Variants in SLC24A3 observed in about 807,000 individuals in gnomAD.
SLC24A3 encodes the protein sodium/potassium/calcium exchanger 3.
In SLC24A3, 28 loss-of-function variants were observed where a neutral mutation model predicts 75.8. That is an observed-to-expected ratio of 0.37 (90% CI 0.27 to 0.51). The LOEUF (loss-of-function observed/expected upper bound fraction) is 0.51. Among genes scored for constraint, SLC24A3 ranks in the 20% least tolerant of loss-of-function variants. SLC24A3 has a pLI of 0.94. For missense variants in SLC24A3, 663 were observed against 847.8 expected (o/e 0.78, Z 2.71); for synonymous variants, 372 against 334.1 (o/e 1.11, Z -1.24).
At chr20:19,520,748 C>G (rs576626074) in intron 3 of SLC24A3, among the ~76,000 whole-genome samples, 11 of 152,300 alleles carry the variant, frequency 7.2e-5, no homozygotes, top group African/African-American at 2.6e-4. Flanking sequence ...AACACCTGTC[C>G]GCACTTCTTT....
chr20:19,286,980 C>G (rs1383199999), intron 2 of SLC24A3, among the ~76,000 whole-genome samples: 1 of 152,172 alleles, frequency 6.6e-6, no homozygotes, highest in Admixed American at 6.5e-5. Flanking sequence ...TGATTCAAAT[C>G]ACAGCTGTTG....
At chr20:19,701,302 G>C (rs1168912558) in intron 15 of SLC24A3, among the ~76,000 whole-genome samples, 1 of 151,996 alleles carries the variant, frequency 6.6e-6, no homozygotes, top group Non-Finnish European at 1.5e-5. Context: ...TCCAGGCTGA[G>C]ACACGAGGGC....
chr20:19,700,268 C>T (rs1234072019), intron 15 of SLC24A3, among the ~76,000 whole-genome samples: 3 of 152,206 alleles, frequency 2.0e-5, no homozygotes, highest in African/African-American at 7.2e-5. Context: ...TGGCAGCTCT[C>T]ATGTCTCTTC....
At chr20:19,519,851 G>A (rs678750) in intron 3 of SLC24A3, among the ~76,000 whole-genome samples, 22,022 of 152,134 alleles carry the variant, frequency 0.14, 1,853 homozygotes, top group East Asian at 0.31. Context: ...GCCAAGCTAC[G>A]CATTTCTCTT....
chr20:19,272,701 T>A (rs963210693), intron 1 of SLC24A3, among the ~76,000 whole-genome samples: 6 of 152,226 alleles, frequency 3.9e-5, no homozygotes, highest in African/African-American at 1.4e-4. Flanking sequence ...CCCATGGACC[T>A]GGGATCTTTT....
intron 14 of SLC24A3, 143 bp from the exon 15 acceptor site, chr20:19,698,425 C>T (rs2032835224): frequency 1.2e-5 from 7 of 577,600 alleles, no homozygotes; most frequent in Non-Finnish European, 2.2e-5. Flanking sequence ...GTCATCCTTT[C>T]ACATGGGTGA....
intron 9 of SLC24A3, among the ~76,000 whole-genome samples, chr20:19,681,195 C>T (rs1444915128): frequency 1.3e-5 from 2 of 152,172 alleles, no homozygotes; most frequent in African/African-American, 4.8e-5. Flanking sequence ...AGGAACACTG[C>T]ACAATGTATT....
Position 19,705,495 on chromosome 20 carries a change from G to C in SLC24A3, c.1719+6815G>C, listed in dbSNP as rs77215564. On this transcript the variant is annotated intron_variant, in intron 15 of 16. Coordinates refer to ENST00000328041, the MANE Select transcript of SLC24A3 (RefSeq NM_020689.4). The stretch of plus-strand genomic sequence containing the variant: ...GAAAAAGCAAATCTAGGGCTTATTT[G>C]CTTGAGAGCATTTTGATCTGCCCTC... Among the ~76,000 whole-genome samples, 510 of 152,232 alleles carry C rather than the reference G, an allele frequency of 3.4e-3. 6 individuals are homozygous for C. Among genetic ancestry groups the C allele is most frequent in the African/African-American group, 0.012 (489 of 41,544 alleles).
chr20:19,655,613 C>T (rs912134099), intron 7 of SLC24A3, among the ~76,000 whole-genome samples: 5 of 152,146 alleles, frequency 3.3e-5, no homozygotes, highest in South Asian at 2.1e-4. Flanking sequence ...ACCCTCCCCA[C>T]GGTGAATGAG....
chr20:19,475,863 T>G (rs1000026385), intron 2 of SLC24A3, among the ~76,000 whole-genome samples: 1 of 152,218 alleles, frequency 6.6e-6, no homozygotes, highest in African/African-American at 2.4e-5. Flanking sequence ...ACTCTATACT[T>G]GGAAATGTGT....
At position 19,515,526 on chromosome 20, in the gene SLC24A3, G is replaced by C. The variant is rs960187005; in HGVS notation, c.310G>C (p.Asp104His). 6.2e-7 allele frequency: 1 copy of C among 1,614,166 alleles called. No homozygotes were observed. The highest frequency in any genetic ancestry group is 1.1e-5 in the South Asian group (1 of 91,072). Reference sequence around the variant, plus strand: ...CCCCAATGACATCTTCACAAACGAGGATAGAAGACAAGGTGCGGTGGTCCT... The same window carrying C: ...CCCCAATGACATCTTCACAAACGAGCATAGAAGACAAGGTGCGGTGGTCCT... ...EFPNDIFTNE[D>H]RRQGAVVLHV... The change falls in exon 3 of 17, where the codon GAT becomes CAT. Residue 104 changes from aspartate (D) to histidine (H), a missense_variant. Transcript: ENST00000328041.
intron 2 of SLC24A3, among the ~76,000 whole-genome samples, chr20:19,366,545 A>G (rs572097743): frequency 1.3e-5 from 2 of 152,202 alleles, no homozygotes; most frequent in South Asian, 2.1e-4. Flanking sequence ...TTACCCTGAC[A>G]TGTTTTTCTG....
At chr20:19,253,213 G>A (rs1982714897) in intron 1 of SLC24A3, among the ~76,000 whole-genome samples, 1 of 152,202 alleles carries the variant, frequency 6.6e-6, no homozygotes, top group African/African-American at 2.4e-5. Flanking sequence ...GGTTTGTTGG[G>A]ATGTCCCAGG....
At chr20:19,375,758 G>A (rs530508111) in intron 2 of SLC24A3, among the ~76,000 whole-genome samples, 5 of 105,662 alleles carry the variant, frequency 4.7e-5, no homozygotes, top group African/African-American at 3.0e-4. Flanking sequence ...CAATGGCTGA[G>A]GTGACCTCCC....
intron 2 of SLC24A3, among the ~76,000 whole-genome samples, chr20:19,496,571 T>C (rs1046323459): frequency 6.6e-6 from 1 of 152,162 alleles, no homozygotes; most frequent in Non-Finnish European, 1.5e-5. Flanking sequence ...TTTGTGTGGC[T>C]CCTGAGTTAG....
At position 19,400,074 on chromosome 20, in the gene SLC24A3, T is replaced by C. The variant is rs149330016; in HGVS notation, c.272-115414T>C. On this transcript the variant is annotated intron_variant, in intron 2 of 16. Coordinates refer to ENST00000328041, the MANE Select transcript of SLC24A3 (RefSeq NM_020689.4). ...GAACAGATAGTTATAACAACTTTTC[T>C]AATGTCGTGGCTCTAATTCTATCAT... Among the ~76,000 whole-genome samples, 1,280 of 152,358 alleles carry C rather than the reference T, an allele frequency of 8.4e-3. 19 individuals carry two copies. The highest frequency in any genetic ancestry group is 0.03 in the African/African-American group (1,229 of 41,580).
chr20:19,653,654 G>A (rs918456815), intron 6 of SLC24A3, among the ~76,000 whole-genome samples: 1 of 152,162 alleles, frequency 6.6e-6, no homozygotes, highest in Non-Finnish European at 1.5e-5. Flanking sequence ...CTGGGGGGAT[G>A]TGAGACTCCT....
rs543205933 is a variant in SLC24A3 at position 19,516,065 on chromosome 20, G to A, written c.348+501G>A. Among the ~76,000 whole-genome samples, 13 of 152,320 alleles carry A rather than the reference G, an allele frequency of 8.5e-5. No individual in the cohort carries two copies. In the South Asian group the frequency reaches 2.1e-3, roughly 24 times the overall value. On this transcript the variant is annotated intron_variant, in intron 3 of 16. Coordinates refer to ENST00000328041, the MANE Select transcript of SLC24A3 (RefSeq NM_020689.4). Reference sequence around the variant, plus strand: ...TTCCCAGACCCTTTCTTGGCATGTGGTAGGGACAGAACATTTGCTCACTGA... The same window carrying A: ...TTCCCAGACCCTTTCTTGGCATGTGATAGGGACAGAACATTTGCTCACTGA...
At chr20:19,700,751 G>A (rs1258581237) in intron 15 of SLC24A3, among the ~76,000 whole-genome samples, 1 of 152,038 alleles carries the variant, frequency 6.6e-6, no homozygotes, top group African/African-American at 2.4e-5. Flanking sequence ...AAATCTCATT[G>A]GAAACATCAT....
Sources: allele counts gnomAD v4.1 joint callset (sites outside exome capture counted in the v4.1 genomes callset), GRCh38; gene constraint gnomAD v4.1.1; transcripts MANE v1.5; gene names NCBI Gene and HGNC (gene_info 2026-07-23, HGNC 2026-07-21).